Variants in HMCN1 observed in about 807,000 individuals in gnomAD.
HMCN1 encodes hemicentin 1, also known as hemicentin-1.
Under a neutral mutation model 625.9 loss-of-function variants are expected in HMCN1, and 321 were observed. That is an observed-to-expected ratio of 0.51 (90% CI 0.47 to 0.56). HMCN1 has a LOEUF of 0.56. Ranked by LOEUF, HMCN1 falls within the 20% of genes least tolerant of loss-of-function variation. The pLI is 0.00. For synonymous variants in HMCN1, 2,425 were observed against 2,417.6 expected (o/e 1.00, Z -0.09); for missense variants, 6,588 against 6,887.3 (o/e 0.96, Z 1.54).
Position 186,070,687 on chromosome 1 carries a change from A to G in HMCN1, c.8069A>G (p.Asn2690Ser), listed in dbSNP as rs769296863. The change falls in exon 52 of 107, where the codon AAC (asparagine) becomes AGC (serine). Residue 2690 changes from asparagine (N) to serine (S), a missense_variant. By Grantham distance (46) the Asn-to-Ser change is conservative. This residue lies in a region of HMCN1 where 4,628 missense variants were observed against 4,853.1 expected (regional missense o/e 0.95). Coordinates refer to ENST00000271588, the MANE Select transcript of HMCN1 (RefSeq NM_031935.3). The stretch of plus-strand genomic sequence containing the variant: ...AAAGAAGTGAAGATCAAAGTAAACA[A>G]CACTCTGACCTTGGAATGTGAAGCG... ...SPKEVKIKVN[N>S]TLTLECEAYA... 1 of 1,613,580 alleles carries G rather than the reference A, an allele frequency of 6.2e-7. No homozygotes were observed. The highest frequency in any genetic ancestry group is 2.2e-5 in the East Asian group (1 of 44,842).
At chr1:186,188,690 C>A (rs1441013627) in intron 106 of HMCN1, among the ~76,000 whole-genome samples, 1 of 152,134 alleles carries the variant, frequency 6.6e-6, no homozygotes, top group Non-Finnish European at 1.5e-5. Context: ...CTGGAGCTCA[C>A]TTTGTTTTCC....
In HMCN1 at chr1:185,735,061, T is replaced by G. The variant is rs1400854374; in HGVS notation, c.268+14T>G. ...TCCATGATCCAGGTAAGGGAAATAT[T>G]TATACTTTGTCTTTGCTATGTCTCA... On this transcript the variant is annotated intron_variant, in intron 1 of 106. Coordinates refer to ENST00000271588, the MANE Select transcript of HMCN1 (RefSeq NM_031935.3). The G allele has an allele frequency of 6.2e-7, 1 of 1,612,856 alleles. No individual in the cohort carries two copies. Among genetic ancestry groups the G allele is most frequent in the South Asian group, 1.1e-5 (1 of 91,052 alleles).
intron 36 of HMCN1, among the ~76,000 whole-genome samples, chr1:186,025,175 A>G (rs1571735398): frequency 6.7e-6 from 1 of 149,046 alleles, no homozygotes; most frequent in African/African-American, 2.4e-5. Context: ...AGGAGAATCT[A>G]CTGCTGCTGC....
chr1:185,827,623 G>C (rs143485731), intron 1 of HMCN1, among the ~76,000 whole-genome samples: 135 of 152,174 alleles, frequency 8.9e-4, no homozygotes, highest in African/African-American at 3.1e-3. Context: ...GGTAGCTATA[G>C]AAGACAGGCA....
intron 80 of HMCN1, among the ~76,000 whole-genome samples, chr1:186,121,341 C>T (rs1337304959): frequency 3.3e-5 from 5 of 152,098 alleles, no homozygotes; most frequent in South Asian, 2.1e-4. Context: ...CCTCCTGCAG[C>T]TCTAGGTAAT....
chr1:185,758,186 C>T (rs1013629612), intron 1 of HMCN1, among the ~76,000 whole-genome samples: 2 of 152,084 alleles, frequency 1.3e-5, no homozygotes, highest in African/African-American at 4.8e-5. Context: ...TTTCTCAGCC[C>T]CATTATGTTT....
chr1:185,955,348 G>A (rs763791223), intron 11 of HMCN1, among the ~76,000 whole-genome samples: 59 of 151,820 alleles, frequency 3.9e-4, no homozygotes, highest in Admixed American at 8.5e-4. Context: ...ATTTAATCCT[G>A]AATTGTATCC....
At chr1:186,018,088 A>G in intron 33 of HMCN1, 95 bp from the exon 34 acceptor site, 1 of 1,147,618 alleles carries the variant, frequency 8.7e-7, no homozygotes, top group South Asian at 1.3e-5. Context: ...AGCAACTAGG[A>G]AATTGGACAA....
At chr1:186,029,731 A>G (rs1299622168) in intron 36 of HMCN1, among the ~76,000 whole-genome samples, 1 of 151,388 alleles carries the variant, frequency 6.6e-6, no homozygotes, top group East Asian at 1.9e-4. Flanking sequence ...TTTAATTTGT[A>G]TATACTCTAA....
chr1:185,827,100 A>C (rs1660566163), intron 1 of HMCN1, among the ~76,000 whole-genome samples: 1 of 148,078 alleles, frequency 6.8e-6, no homozygotes, highest in Admixed American at 6.8e-5. Context: ...TGAACCCGGG[A>C]GGCAGAGCTT....
At chr1:185,790,084 C>T (rs1657889614) in intron 1 of HMCN1, among the ~76,000 whole-genome samples, 2 of 152,214 alleles carry the variant, frequency 1.3e-5, no homozygotes, top group African/African-American at 2.4e-5. Context: ...CACAGACACA[C>T]ACCCTACTTA....
At chr1:186,098,812 G>A (rs71634152) in intron 68 of HMCN1, among the ~76,000 whole-genome samples, 1,591 of 152,180 alleles carry the variant, frequency 0.01, 18 homozygotes, top group Middle Eastern at 0.017. Context: ...AGACAATGTA[G>A]TAGATATACA....
intron 1 of HMCN1, among the ~76,000 whole-genome samples, chr1:185,834,075 T>G (rs1571420080): frequency 6.6e-6 from 1 of 152,340 alleles, no homozygotes; most frequent in African/African-American, 2.4e-5. Context: ...ATAACTCCAC[T>G]GTCATTAAAC....
rs906442841 is a variant in HMCN1 at position 186,114,938 on chromosome 1, A to T, written c.11396A>T (p.Gln3799Leu). 2.5e-6 allele frequency: 4 copies of T among 1,614,062 alleles called. No homozygotes were observed. In the African/African-American group the frequency reaches 5.3e-5, roughly 22 times the overall value. ...AGTDRRRIDL[Q>L]VHVPPSIAPG... ...ACAGATCGCAGGCGAATAGATTTAC[A>T]GGTCCATGGTAAATATCCGTTTATA... The change falls in exon 74 of 107, where the codon CAG becomes CTG. Residue 3799 changes from glutamine to leucine, a missense_variant. By Grantham distance (113) the Gln-to-Leu change is moderately radical (BLOSUM62 -2). Transcript: ENST00000271588.
At chr1:185,853,170 G>A (rs996706296) in intron 2 of HMCN1, among the ~76,000 whole-genome samples, 1 of 152,102 alleles carries the variant, frequency 6.6e-6, no homozygotes, top group African/African-American at 2.4e-5. Context: ...ACAGATGTAT[G>A]TCTAGGGCTG....
At chr1:185,855,176 C>A (rs958598819) in intron 2 of HMCN1, among the ~76,000 whole-genome samples, 1 of 152,166 alleles carries the variant, frequency 6.6e-6, no homozygotes, top group Non-Finnish European at 1.5e-5. Context: ...GTCCCTGCCC[C>A]CTCTGGCTCT....
intron 41 of HMCN1, 50 bp downstream of exon 41, chr1:186,045,913 G>A (rs1389647883): frequency 1.5e-6 from 2 of 1,358,040 alleles, no homozygotes; most frequent in East Asian, 2.3e-5. Flanking sequence ...GAAGTTCATG[G>A]TTTTGGTATT....
At chr1:185,992,348 C>T (rs1008831380) in intron 22 of HMCN1, among the ~76,000 whole-genome samples, 1 of 152,022 alleles carries the variant, frequency 6.6e-6, no homozygotes, top group Non-Finnish European at 1.5e-5. Context: ...ATAAACATAA[C>T]CTTCAATGTT....
intron 17 of HMCN1, 23 bp from the exon 18 acceptor site, chr1:185,982,239 G>A (rs1471248119): frequency 6.2e-7 from 1 of 1,613,154 alleles, no homozygotes; most frequent in Non-Finnish European, 8.5e-7. Flanking sequence ...AGTTGAAAGT[G>A]CCTGTGCTCT....
Sources: gnomAD v4.1 joint callset for allele counts (sites outside exome capture counted in the v4.1 genomes callset) on GRCh38, gnomAD v4.1.1 for gene constraint, gnomAD v4.1.1 regional missense constraint, MANE v1.5 for transcripts, NCBI Gene and HGNC (gene_info 2026-07-23, HGNC 2026-07-21) for gene names.